CCDC102B: variants seen among roughly 807,000 people sequenced by gnomAD.
CCDC102B encodes the protein coiled-coil domain-containing protein 102B.
A neutral mutation model predicts 57.4 loss-of-function variants in CCDC102B; 75 were observed. The ratio of observed to expected loss-of-function variants is 1.31; its 90% CI spans 1.08 to 1.58. The LOEUF (loss-of-function observed/expected upper bound fraction) is 1.58, where lower values mean the gene tolerates loss of function less well. Ranked by LOEUF, CCDC102B falls within the 40% of genes most tolerant of loss-of-function variation. The pLI, the probability that CCDC102B is intolerant of heterozygous loss-of-function variation, is 0.00. For missense variants in CCDC102B, 636 were observed against 582.6 expected, an observed-to-expected ratio of 1.09 and a Z score of -0.94; for synonymous variants, 206 against 201.9, an observed-to-expected ratio of 1.02 and a Z score of -0.17.
At chr18:68,738,764 A>T (rs2033254721) in intron 2 of CCDC102B, among the ~76,000 whole-genome samples, 1 of 152,224 alleles carries the variant, frequency 6.6e-6, no homozygotes, top group African/African-American at 2.4e-5. Flanking sequence ...CTGATTTAGA[A>T]GGATCTCCAC....
At chr18:69,048,078 A>C (rs2052611277) in intron 7 of CCDC102B, among the ~76,000 whole-genome samples, 1 of 152,134 alleles carries the variant, frequency 6.6e-6, no homozygotes, top group Non-Finnish European at 1.5e-5. Flanking sequence ...TTCAAATACT[A>C]AAATCTAAAA....
intron 2 of CCDC102B, among the ~76,000 whole-genome samples, chr18:68,771,596 C>T (rs1342975447): frequency 1.3e-5 from 2 of 152,126 alleles, no homozygotes; most frequent in East Asian, 3.9e-4. Flanking sequence ...TTGGAGAAAT[C>T]TTGGGACCAC....
At chr18:69,056,856 A>G (rs1310562893), downstream of CCDC102B, among the ~76,000 whole-genome samples, 3 of 152,024 alleles carry the variant, frequency 2.0e-5, no homozygotes, top group Non-Finnish European at 4.4e-5. Context: ...CATTACCCAG[A>G]AATGTTTCAT....
At chr18:68,799,355 GT>G (rs1454736373) in intron 1 of CCDC102B, among the ~76,000 whole-genome samples, 1 of 151,938 alleles carries the variant, frequency 6.6e-6, no homozygotes, top group Non-Finnish European at 1.5e-5. Flanking sequence ...TAATTTCATT[GT>G]CTCTCTTTTG....
intron 6 of CCDC102B, among the ~76,000 whole-genome samples, chr18:68,957,058 A>G (rs2049919985): frequency 6.6e-6 from 1 of 151,754 alleles, no homozygotes; most frequent in Non-Finnish European, 1.5e-5. Flanking sequence ...GTATGCAAAT[A>G]TTTTCTCTTA....
chr18:68,728,618 C>A (rs551955753), intron 2 of CCDC102B, among the ~76,000 whole-genome samples: 1 of 152,274 alleles, frequency 6.6e-6, no homozygotes, highest in South Asian at 2.1e-4. Flanking sequence ...CCTTAAGCAG[C>A]CTCATGATTT....
chr18:68,763,308 G>T (rs1457366473), intron 2 of CCDC102B, among the ~76,000 whole-genome samples: 1 of 152,096 alleles, frequency 6.6e-6, no homozygotes, highest in African/African-American at 2.4e-5. Flanking sequence ...AAGGGCGCCT[G>T]CAATATTTAG....
At chr18:68,820,623 A>G (rs929039352) in intron 1 of CCDC102B, among the ~76,000 whole-genome samples, 2 of 152,042 alleles carry the variant, frequency 1.3e-5, no homozygotes, top group African/African-American at 2.4e-5. Flanking sequence ...TGTTAAGAAA[A>G]TTTCTTCTTT....
chr18:68,934,249 T>C lies in CCDC102B; in HGVS notation c.1263+36821T>C, dbSNP rs559371991. 4.6e-5 allele frequency among the ~76,000 whole-genome samples: 7 copies of C among 152,086 alleles called. No homozygotes were observed. The East Asian group carries it at 1.2e-3, about 25-fold the overall frequency. ...ACCTAAAGTAGTTGTCGGCAAACTCTATGAAGATTCATCTTGGGGAGTTTC... is the reference window on the plus strand; with the variant it reads ...ACCTAAAGTAGTTGTCGGCAAACTCCATGAAGATTCATCTTGGGGAGTTTC... On this transcript the variant is annotated intron_variant, in intron 6 of 7. Coordinates refer to ENST00000360242, the MANE Select transcript of CCDC102B (RefSeq NM_024781.3).
intron 6 of CCDC102B, among the ~76,000 whole-genome samples, chr18:68,906,669 A>G (rs866027945): frequency 2.0e-5 from 3 of 152,138 alleles, no homozygotes; most frequent in Non-Finnish European, 4.4e-5. Flanking sequence ...AAACTCTTTG[A>G]CTAATTTTAA....
chr18:68,994,935 C>T (rs538447234), intron 6 of CCDC102B, among the ~76,000 whole-genome samples: 3 of 152,278 alleles, frequency 2.0e-5, no homozygotes, highest in East Asian at 3.9e-4. Flanking sequence ...GTTTGGAGGG[C>T]TTAGAAGAAG....
chr18:68,954,017 T>A (rs2145203880), intron 6 of CCDC102B, among the ~76,000 whole-genome samples: 1 of 152,270 alleles, frequency 6.6e-6, no homozygotes, highest in Middle Eastern at 3.4e-3. Context: ...TTATGTATCA[T>A]TTTATATAGG....
At chr18:68,989,186 C>G (rs760421459) in intron 6 of CCDC102B, among the ~76,000 whole-genome samples, 9 of 152,184 alleles carry the variant, frequency 5.9e-5, no homozygotes, top group Non-Finnish European at 1.2e-4. Flanking sequence ...GCATCAGATA[C>G]AAACTAAATA....
At chr18:68,795,766 G>C (rs932477698), upstream of CCDC102B, among the ~76,000 whole-genome samples, 1 of 152,126 alleles carries the variant, frequency 6.6e-6, no homozygotes, top group African/African-American at 2.4e-5. Flanking sequence ...CATAGGTACA[G>C]GAAGTTAGGA....
chr18:68,813,820 T>A (rs1179778780), intron 1 of CCDC102B, among the ~76,000 whole-genome samples: 4 of 150,946 alleles, frequency 2.6e-5, no homozygotes, highest in Admixed American at 2.0e-4. Flanking sequence ...TAGAACACTT[T>A]TGAAAGGGAG....
intron 6 of CCDC102B, among the ~76,000 whole-genome samples, chr18:68,935,927 T>G (rs1230010833): frequency 6.6e-6 from 1 of 151,914 alleles, no homozygotes; most frequent in Admixed American, 6.6e-5. Context: ...ATGCCCCTTC[T>G]GCTTAGTGCT....
At chr18:69,014,878 G>C (rs927825464) in intron 7 of CCDC102B, among the ~76,000 whole-genome samples, 4 of 151,924 alleles carry the variant, frequency 2.6e-5, no homozygotes, top group African/African-American at 9.7e-5. Flanking sequence ...ACCTTGGTGA[G>C]GGAGTAAAAA....
At position 68,776,054 on chromosome 18, in the gene CCDC102B, T is replaced by G. The variant is rs573606333; in HGVS notation, c.-66-47312T>G. 5.9e-5 allele frequency among the ~76,000 whole-genome samples: 9 copies of G among 152,330 alleles called. No individual in the cohort carries two copies. The South Asian group carries it at 1.4e-3, about 25-fold the overall frequency. The stretch of plus-strand genomic sequence containing the variant: ...TCTCTCTGTTCTCTGTGTCCATTTT[T>G]GGGCATTATGAGTAGATGACTGTTG... On this transcript the variant is annotated intron_variant, in intron 2 of 3. Transcript: ENST00000578970.
intron 1 of CCDC102B, among the ~76,000 whole-genome samples, chr18:68,834,192 A>G (rs894720598): frequency 5.9e-5 from 9 of 152,106 alleles, no homozygotes; most frequent in African/African-American, 2.2e-4. Context: ...TTGGTAGGCA[A>G]GATCTCAATG....
Sources: gnomAD v4.1 joint callset for allele counts (sites outside exome capture counted in the v4.1 genomes callset) on GRCh38, gnomAD v4.1.1 for gene constraint, MANE v1.5 for transcripts, NCBI Gene and HGNC (gene_info 2026-07-23, HGNC 2026-07-21) for gene names.